The following PCDH15 variants were observed in gnomAD, a reference collection of about 807,000 sequenced individuals.
The protein encoded by PCDH15 is protocadherin related 15.
Under a neutral mutation model 178.5 loss-of-function variants are expected in PCDH15, and 129 were observed. The observed-to-expected ratio is 0.72, with a 90% CI of 0.63 to 0.84. PCDH15 has a LOEUF of 0.84. Among genes scored for constraint, PCDH15 ranks in the 40% least tolerant of loss-of-function variants. PCDH15 has a pLI of 0.00. For synonymous variants in PCDH15, 800 were observed against 732.0 expected (o/e 1.09, Z -1.50); for missense variants, 2,230 against 2,099.9 (o/e 1.06, Z -1.21).
intron 6 of PCDH15, among the ~76,000 whole-genome samples, chr10:54,335,782 G>T (rs1464831312): frequency 9.2e-5 from 14 of 152,092 alleles, no homozygotes; most frequent in Non-Finnish European, 1.5e-5. Flanking sequence ...CAGTAAATTG[G>T]CACTGGTAGA....
At chr10:54,308,631 A>C (rs1042699261) in intron 8 of PCDH15, among the ~76,000 whole-genome samples, 1 of 152,024 alleles carries the variant, frequency 6.6e-6, no homozygotes, top group Admixed American at 6.6e-5. Context: ...ATTACTTCAC[A>C]CATGACTTTT....
At chr10:55,369,036 C>A (rs1484414270) in intron 2 of PCDH15, among the ~76,000 whole-genome samples, 1 of 144,742 alleles carries the variant, frequency 6.9e-6, no homozygotes, top group African/African-American at 2.5e-5. Flanking sequence ...AAAAAAAACC[C>A]CAGCAAGAAC....
chr10:54,447,472 G>A (rs928809895), intron 3 of PCDH15, among the ~76,000 whole-genome samples: 1 of 151,540 alleles, frequency 6.6e-6, no homozygotes, highest in African/African-American at 2.4e-5. Context: ...ACATATAAGT[G>A]AGATTATGTC....
At position 53,995,785 on chromosome 10, in the gene PCDH15, G is replaced by A. The variant is rs1465325219; in HGVS notation, c.2752-20C>T. 2.2e-5 allele frequency: 35 copies of A among 1,608,614 alleles called. No individual in the cohort carries two copies. Among genetic ancestry groups the A allele is most frequent in the Middle Eastern group, 1.7e-4 (1 of 6,060 alleles). The stretch of plus-strand genomic sequence containing the variant: ...CATATCCTGTAAAACACAATTAGGA[G>A]TTTAGTACTTCAGTTGAAACCAGGT... On this transcript the variant is annotated intron_variant, in intron 20 of 37. Transcript: ENST00000644397.
intron 7 of PCDH15, among the ~76,000 whole-genome samples, chr10:54,327,368 GC>G (rs1232586725): frequency 1.3e-5 from 2 of 150,484 alleles, no homozygotes; most frequent in Non-Finnish European, 3.0e-5. Context: ...TTTTCACTCT[GC>G]TCTATGTTAC....
chr10:53,994,076 CAT>C (rs1393058267), intron 21 of PCDH15, among the ~76,000 whole-genome samples: 8 of 152,010 alleles, frequency 5.3e-5, no homozygotes, highest in Admixed American at 1.3e-4. Context: ...TTTCTCTTTA[CAT>C]AAATACTTAC....
chr10:54,348,003 C>T (rs1351832040), intron 5 of PCDH15, among the ~76,000 whole-genome samples: 1 of 151,958 alleles, frequency 6.6e-6, no homozygotes, highest in Admixed American at 6.6e-5. Context: ...CGCCCACCAC[C>T]ACGCCCGGCT....
intron 8 of PCDH15, among the ~76,000 whole-genome samples, chr10:54,241,475 C>T (rs895254988): frequency 6.6e-6 from 1 of 152,166 alleles, no homozygotes; most frequent in Non-Finnish European, 1.5e-5. Context: ...TTTGTACTTA[C>T]AACCCTCAGC....
chr10:54,247,999 T>G (rs1424801391), intron 8 of PCDH15, among the ~76,000 whole-genome samples: 1 of 150,006 alleles, frequency 6.7e-6, no homozygotes, highest in Non-Finnish European at 1.5e-5. Context: ...GTGGAAATTA[T>G]TATAGTTAGT....
At chr10:54,125,029 G>A (rs10825242) in intron 15 of PCDH15, among the ~76,000 whole-genome samples, 34,625 of 152,022 alleles carry the variant, frequency 0.23, 5,309 homozygotes, top group East Asian at 0.86. Context: ...TAAATTCCAT[G>A]GCTTCTTGAA....
chr10:54,302,279 T>G (rs2060191843), intron 8 of PCDH15, among the ~76,000 whole-genome samples: 1 of 152,162 alleles, frequency 6.6e-6, no homozygotes, highest in Non-Finnish European at 1.5e-5. Flanking sequence ...ACTGAATCCT[T>G]AGATATTATG....
intron 3 of PCDH15, among the ~76,000 whole-genome samples, chr10:54,483,599 C>T (rs1032065638): frequency 7.9e-5 from 12 of 151,522 alleles, no homozygotes; most frequent in African/African-American, 2.7e-4. Context: ...GATGTCTTTA[C>T]CAACAGAAGG....
intron 26 of PCDH15, among the ~76,000 whole-genome samples, chr10:53,900,380 G>A (rs2082260285): frequency 6.6e-6 from 1 of 152,018 alleles, no homozygotes; most frequent in Admixed American, 6.6e-5. Context: ...AAGGGGGAGG[G>A]TTCCTTAGAG....
At chr10:54,344,402 A>G (rs1275807052) in intron 6 of PCDH15, among the ~76,000 whole-genome samples, 2 of 152,230 alleles carry the variant, frequency 1.3e-5, no homozygotes, top group Non-Finnish European at 2.9e-5. Context: ...ATTATTGCAC[A>G]GTTAAAAAAG....
At chr10:53,849,247 G>T (rs897157010) in intron 28 of PCDH15, among the ~76,000 whole-genome samples, 1 of 151,958 alleles carries the variant, frequency 6.6e-6, no homozygotes, top group African/African-American at 2.4e-5. Context: ...TGCTGAGAAG[G>T]CATGGAGAAA....
chr10:53,918,928 G>A (rs550001875), intron 25 of PCDH15, among the ~76,000 whole-genome samples: 3 of 152,130 alleles, frequency 2.0e-5, no homozygotes, highest in African/African-American at 7.2e-5. Flanking sequence ...AGCCTCTAGG[G>A]CTGTATCTGT....
intron 29 of PCDH15, among the ~76,000 whole-genome samples, chr10:53,836,008 G>A (rs543066374): frequency 6.6e-6 from 1 of 152,212 alleles, no homozygotes; most frequent in East Asian, 1.9e-4. Flanking sequence ...ATGAAACAAG[G>A]GCCGTAAGTA....
chr10:55,077,039 T>A (rs1841910135), intron 2 of PCDH15, among the ~76,000 whole-genome samples: 1 of 152,044 alleles, frequency 6.6e-6, no homozygotes. Context: ...AGTGCTGGGA[T>A]TACAGGCATG....
intron 7 of PCDH15, among the ~76,000 whole-genome samples, chr10:54,320,224 TTA>T (rs2061515010): frequency 6.6e-6 from 1 of 152,044 alleles, no homozygotes; most frequent in African/African-American, 2.4e-5. Flanking sequence ...CCAAGAAAGT[TTA>T]TGAAAATGAA....
Sources: gnomAD v4.1 joint callset for allele counts (sites outside exome capture counted in the v4.1 genomes callset) on GRCh38, gnomAD v4.1.1 for gene constraint, MANE v1.5 for transcripts, NCBI Gene and HGNC (gene_info 2026-07-23, HGNC 2026-07-21) for gene names.